The following PKP2 variants were observed in gnomAD, a reference collection of about 807,000 sequenced individuals.
PKP2 encodes the protein plakophilin-2.
PKP2 carries 73 observed loss-of-function variants against 83.4 expected under a neutral mutation model. The observed-to-expected ratio is 0.88, with a 90% confidence interval of 0.72 to 1.06. The LOEUF (loss-of-function observed/expected upper bound fraction) is 1.06. Ranked by LOEUF, PKP2 falls within the 50% of genes least tolerant of loss-of-function variation. PKP2 has a pLI of 0.00. For synonymous variants in PKP2, 409 were observed against 430.4 expected, an observed-to-expected ratio of 0.95 and a Z score of 0.62; for missense variants, 966 against 1,065.4, an observed-to-expected ratio of 0.91 and a Z score of 1.30.
intron 4 of PKP2, among the ~76,000 whole-genome samples, chr12:32,856,820 C>T (rs1956754375): frequency 6.6e-6 from 1 of 152,008 alleles, no homozygotes; most frequent in East Asian, 1.9e-4. Flanking sequence ...GGTGAACCAC[C>T]CTCCTACCGT....
chr12:32,849,951 ACT>A (rs1956681863), intron 5 of PKP2, among the ~76,000 whole-genome samples: 1 of 152,172 alleles, frequency 6.6e-6, no homozygotes, highest in Non-Finnish European at 1.5e-5. Context: ...ACTATGTGAC[ACT>A]CCATTTCATT....
intron 5 of PKP2, among the ~76,000 whole-genome samples, chr12:32,841,538 T>C (rs1202231505): frequency 6.6e-6 from 1 of 152,214 alleles, no homozygotes; most frequent in Admixed American, 6.5e-5. Context: ...CTGACCGGGA[T>C]AATAAAGTCT....
At chr12:32,822,834 A>T (rs1956395485) in intron 7 of PKP2, among the ~76,000 whole-genome samples, 1 of 152,172 alleles carries the variant, frequency 6.6e-6, no homozygotes, top group South Asian at 2.1e-4. Flanking sequence ...CAATGCTAAG[A>T]AGTAGAGGCT....
intron 6 of PKP2, among the ~76,000 whole-genome samples, chr12:32,827,655 C>T (rs1007142560): frequency 7.2e-5 from 11 of 152,096 alleles, no homozygotes; most frequent in African/African-American, 2.7e-4. Context: ...CCATACATTA[C>T]CCAATGGTGG....
intron 4 of PKP2, among the ~76,000 whole-genome samples, chr12:32,861,466 A>C (rs1329133097): frequency 6.6e-6 from 1 of 152,250 alleles, no homozygotes; most frequent in East Asian, 1.9e-4. Context: ...CATATTAAAC[A>C]CATTAATGTA....
At chr12:32,849,022 A>AG (rs1956673601) in intron 5 of PKP2, among the ~76,000 whole-genome samples, 1 of 151,782 alleles carries the variant, frequency 6.6e-6, no homozygotes, top group South Asian at 2.1e-4. Context: ...AAAAAAAAAA[A>AG]AACCTCTTCT....
At position 32,802,547 on chromosome 12, in the gene PKP2, A is replaced by G. The variant is rs1021754504; in HGVS notation, c.2023T>C (p.Ser675Pro). 2 of 1,613,910 alleles carry G rather than the reference A, an allele frequency of 1.2e-6. No individual in the cohort carries two copies. The highest frequency in any genetic ancestry group is 2.7e-5 in the African/African-American group (2 of 74,922). Residue 675 changes from serine (S) to proline (P), a missense_variant, in exon 10 of 13, where the codon TCA becomes CCA. By Grantham distance (74) the Ser-to-Pro change is moderately conservative (BLOSUM62 -1). Coordinates refer to ENST00000340811, the MANE Select transcript of PKP2 (RefSeq NM_001005242.3). Reference sequence around the variant, plus strand: ...TTCTGGACAACTGTCTGAGCCACTGATGTCGGCATCTGTTTTGTGAGACAT... The same window carrying G: ...TTCTGGACAACTGTCTGAGCCACTGGTGTCGGCATCTGTTTTGTGAGACAT... The part of the protein sequence containing the change: ...LTAGSGPMPT[S>P]VAQTVVQKES...
intron 1 of PKP2, among the ~76,000 whole-genome samples, chr12:32,889,348 T>C (rs1957058204): frequency 1.3e-5 from 2 of 152,172 alleles, no homozygotes; most frequent in African/African-American, 4.8e-5. Flanking sequence ...GAATTTAAAC[T>C]GGGAAATGAT....
At chr12:32,825,170 T>C (rs1013724129) in intron 6 of PKP2, among the ~76,000 whole-genome samples, 3 of 140,098 alleles carry the variant, frequency 2.1e-5, no homozygotes, top group East Asian at 4.1e-4. Context: ...TTCTTTTTTT[T>C]TTTTTTTTTT....
rs538401207 is a variant in PKP2 at position 32,831,040 on chromosome 12, G to T, written c.1557-6878C>A. On this transcript the variant is annotated intron_variant, in intron 6 of 12. Coordinates refer to ENST00000340811, the MANE Select transcript of PKP2 (RefSeq NM_001005242.3). ...ATTTCCTCTCAATTAGCTAGAATAT[G>T]TTAGGTAGGACAGAATCCCAAATTC... Among the ~76,000 whole-genome samples the T allele has an allele frequency of 8.5e-5, 13 of 152,298 alleles. No individual in the cohort carries two copies. The East Asian group carries it at 2.5e-3, about 29-fold the overall frequency.
intron 3 of PKP2, among the ~76,000 whole-genome samples, chr12:32,875,184 A>AT (rs1190386805): frequency 1.3e-5 from 2 of 152,132 alleles, no homozygotes; most frequent in Non-Finnish European, 2.9e-5. Context: ...GCCACAATAT[A>AT]TTTTTCTGAT....
Position 32,858,490 on chromosome 12 carries a change from A to G in PKP2, c.1171-7517T>C, listed in dbSNP as rs146524189. Among the ~76,000 whole-genome samples the G allele has an allele frequency of 3.1e-3, 471 of 152,250 alleles. 2 individuals are homozygous for G. Among genetic ancestry groups the G allele is most frequent in the Non-Finnish European group, 4.8e-3 (329 of 68,018 alleles). ...TTCTTCCTACGGAACAAATAGGCAA[A>G]GGGTCAGTGAGAAATGCTCCATAAT... On this transcript the variant is annotated intron_variant, in intron 4 of 12. Coordinates refer to ENST00000340811, the MANE Select transcript of PKP2 (RefSeq NM_001005242.3).
chr12:32,805,956 G>A (rs1431274323), intron 9 of PKP2, among the ~76,000 whole-genome samples: 2 of 152,132 alleles, frequency 1.3e-5, no homozygotes, highest in Non-Finnish European at 2.9e-5. Context: ...GGCCTTTTCT[G>A]CATCTATTGA....
chr12:32,821,811 T>C, intron 8 of PKP2: 1 of 390,502 alleles, frequency 2.6e-6, no homozygotes, highest in Non-Finnish European at 4.8e-6. Flanking sequence ...CTAGAATGGT[T>C]TTCAGGCTGC....
At chr12:32,827,227 G>T (rs2045172) in intron 6 of PKP2, among the ~76,000 whole-genome samples, 21,486 of 152,184 alleles carry the variant, frequency 0.14, 1,579 homozygotes, top group South Asian at 0.19. Flanking sequence ...TTGTCTTGCT[G>T]TTTGGTATTA....
intron 4 of PKP2, among the ~76,000 whole-genome samples, chr12:32,858,323 C>A (rs1956773106): frequency 1.3e-5 from 2 of 149,636 alleles, no homozygotes; most frequent in Non-Finnish European, 3.0e-5. Flanking sequence ...AACAAAACGC[C>A]CCAAAAAACC....
chr12:32,878,864 A>T, intron 2 of PKP2, 56 bp downstream of exon 2: 1 of 961,754 alleles, frequency 1.0e-6, no homozygotes, highest in Non-Finnish European at 1.7e-6. Flanking sequence ...AGGAAGTTTG[A>T]AAATATTTTC....
At chr12:32,809,820 G>A (rs968130168) in intron 9 of PKP2, among the ~76,000 whole-genome samples, 3 of 152,126 alleles carry the variant, frequency 2.0e-5, no homozygotes, top group African/African-American at 7.2e-5. Flanking sequence ...TGGGGGTGGG[G>A]GTTCCTTTGG....
At chr12:32,796,679 G>T (rs771185096) in intron 10 of PKP2, among the ~76,000 whole-genome samples, 2 of 152,110 alleles carry the variant, frequency 1.3e-5, no homozygotes, top group Admixed American at 6.5e-5. Flanking sequence ...GATTACAGGC[G>T]TGAGACACTG....
Sources: gnomAD v4.1 joint callset for allele counts (sites outside exome capture counted in the v4.1 genomes callset) on GRCh38, gnomAD v4.1.1 for gene constraint, MANE v1.5 for transcripts, NCBI Gene and HGNC (gene_info 2026-07-23, HGNC 2026-07-21) for gene names.